The following PLEKHA8 variants were observed in gnomAD, a reference collection of about 807,000 sequenced individuals.
PLEKHA8 encodes pleckstrin homology domain-containing family A member 8.
Under a neutral mutation model 68.2 loss-of-function variants are expected in PLEKHA8, and 36 were observed. That is an observed-to-expected ratio of 0.53 (90% CI 0.40 to 0.70). The LOEUF is 0.70. Ranked by LOEUF, PLEKHA8 falls within the 30% of genes least tolerant of loss-of-function variation. The pLI, the probability that PLEKHA8 is intolerant of heterozygous loss-of-function variation, is 0.00. For synonymous variants in PLEKHA8, 211 were observed against 216.1 expected (o/e 0.98, Z 0.20); for missense variants, 505 against 615.4 (o/e 0.82, Z 1.90).
chr7:30,028,819 G>C lies in PLEKHA8; in HGVS notation c.40+17G>C. The C allele has an allele frequency of 7.9e-7, 1 of 1,261,930 alleles. No individual in the cohort carries two copies. The highest frequency in any genetic ancestry group is 1.0e-6 in the Non-Finnish European group (1 of 998,050). 78.2% of individuals were successfully genotyped at this position (1,261,930 alleles called of 1,614,324 possible). ...ATCTGAGCGGTGAGTGGCCGTGCCG[G>C]GCCGGGGGCGCGCCGGGGGCCGGTC... On this transcript the variant is annotated intron_variant, in intron 1 of 13. Coordinates refer to ENST00000449726, the MANE Select transcript of PLEKHA8 (RefSeq NM_001197026.2).
At chr7:30,072,169 G>A in intron 12 of PLEKHA8, 1 of 152,176 alleles carries the variant, frequency 6.6e-6, no homozygotes, top group East Asian at 1.9e-4. Context: ...GGCTCTAAGA[G>A]TCTTCTTCAT....
At chr7:30,106,754 T>C (rs1388602290) in intron 13 of PLEKHA8, among the ~76,000 whole-genome samples, 1 of 152,242 alleles carries the variant, frequency 6.6e-6, no homozygotes, top group Admixed American at 6.5e-5. Context: ...TTGAATTTTT[T>C]CTGAGCCAAG....
chr7:30,100,656 C>T (rs1286696635), intron 13 of PLEKHA8, among the ~76,000 whole-genome samples: 2 of 151,954 alleles, frequency 1.3e-5, no homozygotes, highest in Non-Finnish European at 2.9e-5. Flanking sequence ...TATTGTCTCC[C>T]CAAGATTAAG....
At chr7:30,124,807 AC>A (rs1158816920) in intron 13 of PLEKHA8, among the ~76,000 whole-genome samples, 1 of 151,994 alleles carries the variant, frequency 6.6e-6, no homozygotes, top group African/African-American at 2.4e-5. Flanking sequence ...CTTTTTTGTG[AC>A]TCAAATAAGT....
intron 12 of PLEKHA8, among the ~76,000 whole-genome samples, chr7:30,067,777 C>T (rs1314732758): frequency 6.6e-6 from 1 of 152,154 alleles, no homozygotes; most frequent in Admixed American, 6.5e-5. Flanking sequence ...AGACTTTAGC[C>T]ACTGTTGAAG....
chr7:30,118,641 G>A (rs984538453), intron 13 of PLEKHA8, among the ~76,000 whole-genome samples: 72 of 151,002 alleles, frequency 4.8e-4, no homozygotes, highest in Non-Finnish European at 9.1e-4. Context: ...GCAGTGGCGC[G>A]ATCTCGGCTC....
intron 5 of PLEKHA8, 41 bp downstream of exon 5, chr7:30,049,423 A>G: frequency 6.3e-7 from 1 of 1,599,374 alleles, no homozygotes; most frequent in South Asian, 1.1e-5. Context: ...AGGCATCAAG[A>G]AAAGTTTCAA....
At chr7:30,054,312 A>G (rs775115172) in intron 7 of PLEKHA8, among the ~76,000 whole-genome samples, 20 of 152,230 alleles carry the variant, frequency 1.3e-4, no homozygotes, top group Non-Finnish European at 2.5e-4. Flanking sequence ...GGGTTACAAA[A>G]TAAATTTTAG....
chr7:30,056,162 C>G (rs1792839231), intron 9 of PLEKHA8, among the ~76,000 whole-genome samples: 1 of 150,474 alleles, frequency 6.6e-6, no homozygotes, highest in Non-Finnish European at 1.5e-5. Context: ...CCAGGATAGT[C>G]TTGATCTCCT....
Position 30,049,221 on chromosome 7 carries a change from T to C in PLEKHA8, c.439-3T>C. ...GGAGTCTTCCACTCTGGTTGTTTCG[T>C]AGGAGGGAATTGATGTGGGAACTTT... On this transcript the variant is annotated splice_region_variant and splice_polypyrimidine_tract_variant and intron_variant, in intron 4 of 13. Transcript: ENST00000449726. The C allele has an allele frequency of 1.9e-6, 3 of 1,613,718 alleles. No homozygotes were observed. Among genetic ancestry groups the C allele is most frequent in the African/African-American group, 1.3e-5 (1 of 75,030 alleles).
chr7:30,086,353 C>T (rs536579853), downstream of PLEKHA8, among the ~76,000 whole-genome samples: 31 of 152,270 alleles, frequency 2.0e-4, no homozygotes, highest in South Asian at 6.2e-3. Context: ...TGTGTAAGGA[C>T]CAGCTATCTA....
intron 12 of PLEKHA8, among the ~76,000 whole-genome samples, chr7:30,069,011 A>T (rs1285609689): frequency 2.0e-5 from 3 of 151,450 alleles, no homozygotes; most frequent in African/African-American, 7.3e-5. Flanking sequence ...ACCAACTTTG[A>T]GAGAGAGAGA....
In PLEKHA8 at chr7:30,078,808, C is replaced by T. The variant is rs1484517592; in HGVS notation, c.*21C>T. ...TATGATGGCTGCTGGGCAGCACCTC[C>T]TAACTTCAGGGAATAAGTGCTAAAG... On this transcript the variant is annotated 3_prime_UTR_variant, in exon 14 of 14. Transcript: ENST00000449726. 1.9e-6 allele frequency: 3 copies of T among 1,609,222 alleles called. No homozygotes were observed.
chr7:30,116,227 T>C lies in PLEKHA8; in HGVS notation c.1363-13039T>C, dbSNP rs573719272. 4.7e-5 allele frequency among the ~76,000 whole-genome samples: 7 copies of C among 149,630 alleles called. No individual in the cohort carries two copies. The East Asian group carries it at 9.8e-4, about 21-fold the overall frequency. ...ATACATGTATACATATGTATATACG[T>C]ATACATGTATGCGTATACATGTACA... is the stretch of plus-strand genomic sequence containing the variant. On this transcript the variant is annotated intron_variant, in intron 13 of 13. Coordinates refer to the PLEKHA8 transcript ENST00000396257.
At chr7:30,040,278 A>T (rs1298999920) in intron 1 of PLEKHA8, among the ~76,000 whole-genome samples, 2 of 152,150 alleles carry the variant, frequency 1.3e-5, no homozygotes, top group African/African-American at 4.8e-5. Context: ...GGTTCAAACA[A>T]TGTCATCCAG....
chr7:30,082,747 G>T lies in PLEKHA8; in HGVS notation c.*3960G>T, dbSNP rs1002751908. On this transcript the variant is annotated 3_prime_UTR_variant, in exon 14 of 14. Coordinates refer to ENST00000449726, the MANE Select transcript of PLEKHA8 (RefSeq NM_001197026.2). ...GAGGGAAAGAGGAGCCAAAGTAAGA[G>T]ATTTTTTTTTAAGGAAACTTAATCT... The T allele has an allele frequency of 1.0e-6, 1 of 985,078 alleles. No homozygotes were observed. Among genetic ancestry groups the T allele is most frequent in the South Asian group, 4.7e-5 (1 of 21,280 alleles). 61.0% of individuals were successfully genotyped at this position (985,078 alleles called of 1,614,324 possible). A position where few individuals can be genotyped will look rare whatever the true frequency, so the allele number is the denominator to read the frequency against.
At position 30,074,025 on chromosome 7, in the gene PLEKHA8, A is replaced by C. The variant is rs778217698; in HGVS notation, c.1301-46A>C. The C allele has an allele frequency of 1.1e-4, 176 of 1,530,908 alleles. 1 individual carries two copies. Among genetic ancestry groups the C allele is most frequent in the Non-Finnish European group, 1.5e-4 (168 of 1,115,660 alleles). 94.8% of individuals were successfully genotyped at this position (1,530,908 alleles called of 1,614,324 possible). ...AAGTACATTATACAAATAGCACATC[A>C]AATTCTGATGAAAGTGTTCCTCATG... On this transcript the variant is annotated intron_variant, in intron 12 of 13. Transcript: ENST00000449726.
At chr7:30,043,452 A>G (rs1246205906) in intron 1 of PLEKHA8, among the ~76,000 whole-genome samples, 2 of 152,222 alleles carry the variant, frequency 1.3e-5, no homozygotes, top group Admixed American at 6.5e-5. Context: ...TATAAAATAT[A>G]ATAAGAGCAA....
chr7:30,094,848 C>A (rs1322773318), downstream of PLEKHA8, among the ~76,000 whole-genome samples: 25 of 152,200 alleles, frequency 1.6e-4, no homozygotes, highest in Non-Finnish European at 8.8e-5. Context: ...CTACAAAGTA[C>A]ATGAATTCAT....
Sources: gnomAD v4.1 joint callset for allele counts (sites outside exome capture counted in the v4.1 genomes callset) on GRCh38, gnomAD v4.1.1 for gene constraint, MANE v1.5 for transcripts, NCBI Gene and HGNC (gene_info 2026-07-23, HGNC 2026-07-21) for gene names.